Variants in NR2C2 observed in about 807,000 individuals in gnomAD.
The protein encoded by NR2C2 is nuclear receptor subfamily 2 group C member 2.
Under a neutral mutation model 62.9 loss-of-function variants are expected in NR2C2, and 6 were observed. The ratio of observed to expected loss-of-function variants is 0.10; its 90% CI spans 0.05 to 0.19. The LOEUF (loss-of-function observed/expected upper bound fraction) is 0.19, where lower values mean the gene tolerates loss of function less well. Ranked by LOEUF, NR2C2 falls within the 10% of genes least tolerant of loss-of-function variation. The pLI, the probability that NR2C2 is intolerant of heterozygous loss-of-function variation, is 1.00. For synonymous variants in NR2C2, 272 were observed against 273.8 expected (o/e 0.99, Z 0.07); for missense variants, 479 against 762.7 (o/e 0.63, Z 4.38).
intron 1 of NR2C2, among the ~76,000 whole-genome samples, chr3:14,978,478 T>C (rs1379629758): frequency 6.6e-6 from 1 of 152,202 alleles, no homozygotes; most frequent in African/African-American, 2.4e-5. Context: ...TTCTACTGAA[T>C]GTGTATTGCT....
intron 7 of NR2C2, among the ~76,000 whole-genome samples, chr3:15,027,963 A>T (rs2041869842): frequency 6.6e-6 from 1 of 151,422 alleles, no homozygotes. Flanking sequence ...GGTTCAAGTG[A>T]TTCTCCTTCT....
chr3:14,972,941 A>G (rs1347813297), intron 1 of NR2C2, among the ~76,000 whole-genome samples: 1 of 152,166 alleles, frequency 6.6e-6, no homozygotes, highest in Non-Finnish European at 1.5e-5. Context: ...TGAGCACTCC[A>G]TCCCCATGAT....
chr3:14,951,562 C>G (rs945570627), intron 1 of NR2C2, among the ~76,000 whole-genome samples: 1 of 151,916 alleles, frequency 6.6e-6, no homozygotes, highest in Non-Finnish European at 1.5e-5. Context: ...GCTAATTACT[C>G]AGGGTAACCA....
chr3:14,991,039 TGTG>T (rs1399193551), intron 1 of NR2C2, among the ~76,000 whole-genome samples: 4 of 152,210 alleles, frequency 2.6e-5, no homozygotes, highest in African/African-American at 9.6e-5. Flanking sequence ...TTTACATAAT[TGTG>T]GGGAGTGGTT....
chr3:15,031,851 C>G (rs1182409287), intron 9 of NR2C2, among the ~76,000 whole-genome samples: 1 of 152,060 alleles, frequency 6.6e-6, no homozygotes, highest in Non-Finnish European at 1.5e-5. Flanking sequence ...GCCTCAGCCT[C>G]CGAAGTAGCT....
At chr3:14,997,994 G>T (rs1282879015) in intron 1 of NR2C2, among the ~76,000 whole-genome samples, 1 of 152,030 alleles carries the variant, frequency 6.6e-6, no homozygotes, top group East Asian at 1.9e-4. Context: ...TCTACTTTCT[G>T]TCCCCATGGA....
At chr3:15,028,213 C>T (rs1206450528) in intron 7 of NR2C2, among the ~76,000 whole-genome samples, 2 of 152,152 alleles carry the variant, frequency 1.3e-5, no homozygotes, top group Non-Finnish European at 2.9e-5. Flanking sequence ...TGTTAGCGTT[C>T]CTTAGACATT....
chr3:14,989,508 A>G (rs1270827603), intron 1 of NR2C2, among the ~76,000 whole-genome samples: 1 of 152,168 alleles, frequency 6.6e-6, no homozygotes, highest in Non-Finnish European at 1.5e-5. Context: ...CTTTAAGAAT[A>G]TTAGGGCCAG....
intron 1 of NR2C2, among the ~76,000 whole-genome samples, chr3:14,965,965 G>C (rs2039842254): frequency 6.6e-6 from 1 of 152,138 alleles, no homozygotes; most frequent in African/African-American, 2.4e-5. Flanking sequence ...CACCATGCCT[G>C]GCCCCTTAGT....
At position 15,003,870 on chromosome 3, in the gene NR2C2, C is replaced by T; in HGVS notation, c.-39-6C>T. 3 of 1,593,852 alleles carry T rather than the reference C, an allele frequency of 1.9e-6. No homozygotes were observed. Among genetic ancestry groups the T allele is most frequent in the Admixed American group, 1.7e-5 (1 of 59,964 alleles). On this transcript the variant is annotated splice_region_variant and splice_polypyrimidine_tract_variant and intron_variant, in intron 1 of 13. Coordinates refer to ENST00000425241, the MANE Select transcript of NR2C2 (RefSeq NM_001291694.2). ...CCTTGTGATCCAGCCCACTTCTCAC[C>T]CACAGGTAACACGTACACAGACCTC...
At chr3:14,953,721 C>G (rs928915820) in intron 1 of NR2C2, among the ~76,000 whole-genome samples, 3 of 151,932 alleles carry the variant, frequency 2.0e-5, no homozygotes, top group African/African-American at 7.3e-5. Context: ...TAGTGAAACC[C>G]CATCTCTACT....
chr3:15,043,888 A>C lies in NR2C2; in HGVS notation c.*880A>C, dbSNP rs771565186. On this transcript the variant is annotated 3_prime_UTR_variant, in exon 14 of 14. Coordinates refer to ENST00000425241, the MANE Select transcript of NR2C2 (RefSeq NM_001291694.2). The stretch of plus-strand genomic sequence containing the variant: ...GATGTACAGTTCCTCCAGCAAGTGA[A>C]AACATCCCCAAGTCACATCCGCCGC... 7.9e-5 allele frequency: 12 copies of C among 152,240 alleles called. No individual in the cohort carries two copies. The highest frequency in any genetic ancestry group is 4.6e-4 in the Admixed American group (7 of 15,284). 9.4% of individuals were successfully genotyped at this position (152,240 alleles called of 1,614,324 possible).
chr3:15,003,359 C>A (rs949621643), intron 1 of NR2C2, among the ~76,000 whole-genome samples: 1 of 152,168 alleles, frequency 6.6e-6, no homozygotes, highest in Non-Finnish European at 1.5e-5. Context: ...AAATTTCAGA[C>A]CCTGTGGTCC....
At position 15,045,575 on chromosome 3, in the gene NR2C2, T is replaced by C. The variant is rs1048368410; in HGVS notation, c.*2567T>C. 6.5e-6 allele frequency: 1 copy of C among 152,672 alleles called. No homozygotes were observed. The highest frequency in any genetic ancestry group is 6.5e-5 in the Admixed American group (1 of 15,278). The allele number at this position is 152,672 out of a possible 1,614,324, so 9.5% of individuals were successfully genotyped here. A position where few individuals can be genotyped will look rare whatever the true frequency, so the allele number is the denominator to read the frequency against. ...TTTGAAGTGGCCTTTTCTTTAAGGA[T>C]CATGTCCACGTAACCTGTATTCTTG... On this transcript the variant is annotated 3_prime_UTR_variant, in exon 14 of 14. Coordinates refer to ENST00000425241, the MANE Select transcript of NR2C2 (RefSeq NM_001291694.2).
At chr3:14,965,948 C>T (rs916897818) in intron 1 of NR2C2, among the ~76,000 whole-genome samples, 4 of 152,150 alleles carry the variant, frequency 2.6e-5, no homozygotes, top group African/African-American at 7.2e-5. Context: ...GGATTACAGG[C>T]GTGAGCCACC....
intron 1 of NR2C2, among the ~76,000 whole-genome samples, chr3:14,978,486 G>T (rs527961763): frequency 6.6e-6 from 1 of 152,144 alleles, no homozygotes; most frequent in African/African-American, 2.4e-5. Context: ...AATGTGTATT[G>T]CTTTTGTACC....
intron 1 of NR2C2, among the ~76,000 whole-genome samples, chr3:14,968,310 A>C (rs1490685052): frequency 6.6e-6 from 1 of 152,240 alleles, no homozygotes; most frequent in African/African-American, 2.4e-5. Flanking sequence ...CAACCCCATC[A>C]AAAAGTGGGC....
Position 15,046,806 on chromosome 3 carries a change from T to TG in NR2C2, c.*3799dup, listed in dbSNP as rs1399806792. On this transcript the variant is annotated 3_prime_UTR_variant, in exon 14 of 14. Transcript: ENST00000425241. Reference sequence around the variant, plus strand: ...GGAATGCCTGAGCCAGCAGAGCAGATGCCCCACGTGCTTCCTTTATCCAGC... The same window carrying TG: ...GGAATGCCTGAGCCAGCAGAGCAGATGGCCCCACGTGCTTCCTTTATCCAGC... 6.5e-6 allele frequency: 1 copy of TG among 152,694 alleles called. No homozygotes were observed. Among genetic ancestry groups the TG allele is most frequent in the African/African-American group, 2.4e-5 (1 of 41,462 alleles). The allele number at this position is 152,694 out of a possible 1,614,324, so 9.5% of individuals were successfully genotyped here.
At position 14,992,253 on chromosome 3, in the gene NR2C2, G is replaced by T. The variant is rs1007662301; in HGVS notation, c.-39-11623G>T. ...TGGAATAGAGGAGGTTCTCATTCCA[G>T]GGTGAAGATGTATGAACTTCCTCAG... On this transcript the variant is annotated intron_variant, in intron 1 of 13. Coordinates refer to ENST00000425241, the MANE Select transcript of NR2C2 (RefSeq NM_001291694.2). Among the ~76,000 whole-genome samples, 3 of 152,022 alleles carry T rather than the reference G, an allele frequency of 2.0e-5. No individual in the cohort carries two copies. The South Asian group carries it at 6.2e-4, about 32-fold the overall frequency.
Sources: gnomAD v4.1 joint callset for allele counts (sites outside exome capture counted in the v4.1 genomes callset) on GRCh38, gnomAD v4.1.1 for gene constraint, MANE v1.5 for transcripts, NCBI Gene and HGNC (gene_info 2026-07-23, HGNC 2026-07-21) for gene names.